The following CD24 variants were observed in gnomAD, a reference collection of about 807,000 sequenced individuals.
CD24 encodes signal transducer CD24.
CD24 carries 2 observed loss-of-function variants against 3.6 expected under a neutral mutation model. That is an observed-to-expected ratio of 0.56 (90% CI 0.23 to 1.77). CD24 has a LOEUF of 1.77. Ranked by LOEUF, CD24 falls within the 40% of genes most tolerant of loss-of-function variation. The probability of loss-of-function intolerance (pLI) is 0.18; values close to 1 mark genes in which losing one functional copy is unlikely to be tolerated. For synonymous variants in CD24, 33 were observed against 44.9 expected (o/e 0.74, Z 1.06); for missense variants, 62 against 93.6 (o/e 0.66, Z 1.39).
In CD24 at chr6:106,971,226, G is replaced by T; in HGVS notation, c.*435C>A. ...GTTCCTTCTCATGTACATATAAATA[G>T]AATCATGGAAGCTTTTTATATTACC... On this transcript the variant is annotated 3_prime_UTR_variant, in exon 2 of 2. Transcript: ENST00000606017. 1 of 179,418 alleles carries T rather than the reference G, an allele frequency of 5.6e-6. No individual in the cohort carries two copies. Among genetic ancestry groups the T allele is most frequent in the Non-Finnish European group, 1.1e-5 (1 of 87,148 alleles). 11.1% of individuals were successfully genotyped at this position (179,418 alleles called of 1,614,324 possible).
At chr6:106,973,743 T>G in intron 1 of CD24, 1 of 398,362 alleles carries the variant, frequency 2.5e-6, no homozygotes, top group Non-Finnish European at 4.4e-6. Context: ...GGTGCATCCA[T>G]ACACCCTCGA....
upstream of CD24, among the ~76,000 whole-genome samples, chr6:106,975,852 C>G (rs1391773325): frequency 6.6e-6 from 1 of 152,254 alleles, no homozygotes; most frequent in Non-Finnish European, 1.5e-5. Flanking sequence ...TGTTGCCCGT[C>G]ATTCGTTTAA....
Position 106,974,713 on chromosome 6 carries a change from G to A in CD24, c.-67C>T. On this transcript the variant is annotated 5_prime_UTR_variant, in exon 1 of 2. Transcript: ENST00000606017. The stretch of plus-strand genomic sequence containing the variant: ...GTGCTTGGAGAACCGCTGGCTCCGG[G>A]CGGGCGCAGGCAAGGTGGGGAGCGC... The A allele has an allele frequency of 6.8e-7, 1 of 1,462,996 alleles. No homozygotes were observed. The highest frequency in any genetic ancestry group is 9.0e-7 in the Non-Finnish European group (1 of 1,111,692). The allele number at this position is 1,462,996 out of a possible 1,614,324, so 90.6% of individuals were successfully genotyped here.
chr6:106,975,158 C>T (rs1279816180), upstream of CD24: 1 of 152,120 alleles, frequency 6.6e-6, no homozygotes, highest in Admixed American at 6.5e-5. Flanking sequence ...GTCCGCGCCT[C>T]CGCTGCGGCG....
intron 1 of CD24, chr6:106,974,050 C>T (rs1773041301): frequency 5.0e-6 from 2 of 397,566 alleles, no homozygotes; most frequent in African/African-American, 2.1e-5. Flanking sequence ...GGCCAGATAG[C>T]CGTAGCTTCT....
rs924441964 is a variant in CD24, at chr6:106,974,522, C to T, written c.69+56G>A. On this transcript the variant is annotated intron_variant, in intron 1 of 1. Transcript: ENST00000606017. ...CGGTCCCCCGGGACCGGGTCCATCTCCCCTGCCCCCACCCCGGGAACGGCC... is the reference window on the plus strand; with the variant it reads ...CGGTCCCCCGGGACCGGGTCCATCTTCCCTGCCCCCACCCCGGGAACGGCC... 6.2e-4 allele frequency: 678 copies of T among 1,091,770 alleles called. 6 individuals are homozygous for T. In the African/African-American group the frequency reaches 0.011, roughly 17 times the overall value. 67.6% of individuals were successfully genotyped at this position (1,091,770 alleles called of 1,614,324 possible).
intron 1 of CD24, among the ~76,000 whole-genome samples, 195 bp downstream of exon 1, chr6:106,974,383 G>T (rs1054543347): frequency 1.3e-5 from 2 of 152,210 alleles, no homozygotes; most frequent in Admixed American, 1.3e-4. Context: ...GTGGGAGGAG[G>T]GGGGGCAGCA....
chr6:106,975,654 G>C (rs1773096593), upstream of CD24: 1 of 152,240 alleles, frequency 6.6e-6, no homozygotes, highest in Non-Finnish European at 1.5e-5. Flanking sequence ...CCGCGCTCCT[G>C]CCTGCGGCGG....
At chr6:106,973,661 C>T in intron 1 of CD24, 2 of 398,790 alleles carry the variant, frequency 5.0e-6, no homozygotes, top group East Asian at 3.6e-5. Flanking sequence ...CTGACCCAAA[C>T]AAACGTACCT....
At position 106,971,696 on chromosome 6, in the gene CD24, C is replaced by T. The variant is rs1430102914; in HGVS notation, c.208G>A (p.Val70Met). The change falls in exon 2 of 2, where the codon GTG becomes ATG. Residue 70 changes from valine to methionine, a missense_variant. Physicochemically the swap from Val to Met is conservative, Grantham distance 21. Coordinates refer to ENST00000606017, the MANE Select transcript of CD24 (RefSeq NM_001359084.1). The stretch of plus-strand genomic sequence containing the variant: ...AGATGCAGAAGAGAGAGTGAGACCA[C>T]GAAGAGACTGGCTGTTGACTGCAGG... ...GALQSTASLF[V>M]VSLSLLHLYS The T allele has an allele frequency of 2.6e-5, 40 of 1,547,008 alleles. No individual in the cohort carries two copies. Among genetic ancestry groups the T allele is most frequent in the Non-Finnish European group, 3.1e-5 (36 of 1,143,432 alleles).
rs1404423406 is a variant in CD24 at position 106,971,849 on chromosome 6, A to G, written c.70-15T>C. The G allele has an allele frequency of 6.7e-7, 1 of 1,497,098 alleles. No homozygotes were observed. Among genetic ancestry groups the G allele is most frequent in the Non-Finnish European group, 9.1e-7 (1 of 1,099,362 alleles). The allele number at this position is 1,497,098 out of a possible 1,614,324, so 92.7% of individuals were successfully genotyped here. ...CTGGAATAAATCTAAAATACATAAA[A>G]AGTTACATGGATACATTTCCACATC... is the stretch of plus-strand genomic sequence containing the variant. On this transcript the variant is annotated splice_polypyrimidine_tract_variant and intron_variant, in intron 1 of 1. Transcript: ENST00000606017.
chr6:106,975,530 A>T (rs1424931338), upstream of CD24: 1 of 152,188 alleles, frequency 6.6e-6, no homozygotes, highest in South Asian at 2.1e-4. Flanking sequence ...CGTGTCAGCC[A>T]GGCGCAGTGA....
chr6:106,970,328 T>C lies in CD24; in HGVS notation c.*1333A>G, dbSNP rs1164647483. ...TTGTTTTTTAAAGAAAAAAAATGTA[T>C]ATACAGAAAGAGTATAAAAGTTTGT... is the stretch of plus-strand genomic sequence containing the variant. On this transcript the variant is annotated 3_prime_UTR_variant, in exon 2 of 2. Coordinates refer to ENST00000606017, the MANE Select transcript of CD24 (RefSeq NM_001359084.1). The C allele has an allele frequency of 2.0e-5, 3 of 152,634 alleles. No homozygotes were observed. Among genetic ancestry groups the C allele is most frequent in the Non-Finnish European group, 2.9e-5 (2 of 68,044 alleles). 9.5% of individuals were successfully genotyped at this position (152,634 alleles called of 1,614,324 possible).
At chr6:106,972,113 G>A (rs1772986061) in intron 1 of CD24, among the ~76,000 whole-genome samples, 1 of 152,058 alleles carries the variant, frequency 6.6e-6, no homozygotes, top group Non-Finnish European at 1.5e-5. Context: ...TCTTTGCAAA[G>A]GAAAAAAGGA....
At position 106,971,540 on chromosome 6, in the gene CD24, G is replaced by T; in HGVS notation, c.*121C>A. 1.5e-6 allele frequency: 1 copy of T among 681,382 alleles called. No individual in the cohort carries two copies. The highest frequency in any genetic ancestry group is 2.5e-6 in the Non-Finnish European group (1 of 398,314). 42.2% of individuals were successfully genotyped at this position (681,382 alleles called of 1,614,324 possible). A position where few individuals can be genotyped will look rare whatever the true frequency, so the allele number is the denominator to read the frequency against. Reference sequence around the variant, plus strand: ...TCAACATTTTCTGTGTCAATAAAAGGTGTGGAATTAGTAGATTCGATGAAG... The same window carrying T: ...TCAACATTTTCTGTGTCAATAAAAGTTGTGGAATTAGTAGATTCGATGAAG... On this transcript the variant is annotated 3_prime_UTR_variant, in exon 2 of 2. Transcript: ENST00000606017.
intron 1 of CD24, among the ~76,000 whole-genome samples, chr6:106,972,302 G>A (rs1442982909): frequency 2.0e-5 from 3 of 152,130 alleles, no homozygotes; most frequent in African/African-American, 7.2e-5. Flanking sequence ...GGATTTGCTA[G>A]GTAACTTTCA....
intron 1 of CD24, among the ~76,000 whole-genome samples, chr6:106,973,225 C>T (rs1024981132): frequency 6.6e-6 from 1 of 152,192 alleles, no homozygotes; most frequent in East Asian, 1.9e-4. Context: ...ATCCTCTACA[C>T]CAACAAAAAA....
intron 1 of CD24, among the ~76,000 whole-genome samples, chr6:106,972,605 C>T (rs1773001020): frequency 1.3e-5 from 2 of 152,178 alleles, no homozygotes; most frequent in African/African-American, 4.8e-5. Context: ...CCAAGGTTCT[C>T]CCAGTGTCCC....
chr6:106,973,732 C>T (rs1773031319), intron 1 of CD24: 1 of 398,620 alleles, frequency 2.5e-6, no homozygotes, highest in Non-Finnish European at 4.4e-6. Context: ...CTCGCCGGCG[C>T]GGTGCATCCA....
Sources: allele counts gnomAD v4.1 joint callset (sites outside exome capture counted in the v4.1 genomes callset), GRCh38; gene constraint gnomAD v4.1.1; transcripts MANE v1.5; gene names NCBI Gene and HGNC (gene_info 2026-07-23, HGNC 2026-07-21).